RTEL1: variants seen among roughly 807,000 people sequenced by gnomAD.
RTEL1 encodes regulator of telomere length.
RTEL1 carries 86 observed loss-of-function variants against 162.2 expected under a neutral mutation model. The ratio of observed to expected loss-of-function variants is 0.53; its 90% CI spans 0.45 to 0.63. The LOEUF (loss-of-function observed/expected upper bound fraction) is 0.63, where lower values mean the gene tolerates loss of function less well. RTEL1 is among the 30% of genes least tolerant of loss of function. The pLI is 0.00. For synonymous variants in RTEL1, 958 were observed against 717.9 expected, an observed-to-expected ratio of 1.33 and a Z score of -5.35; for missense variants, 1,941 against 1,750.2, an observed-to-expected ratio of 1.11 and a Z score of -1.95.
At chr20:63,693,654 A>ACCT (rs2090874096) in intron 30 of RTEL1, among the ~76,000 whole-genome samples, 12 of 35,996 alleles carry the variant, frequency 3.3e-4, no homozygotes, top group South Asian at 1.0e-3. Flanking sequence ...CTCCACCTCC[A>ACCT]CCACCACCTC....
intron 13 of RTEL1, among the ~76,000 whole-genome samples, chr20:63,680,298 G>A (rs958941652): frequency 6.6e-6 from 1 of 152,240 alleles, no homozygotes; most frequent in Non-Finnish European, 1.5e-5. Context: ...TTGCCCAGAG[G>A]CGGTGTCCCC....
chr20:63,665,587 A>C (rs2146167605), intron 6 of RTEL1, among the ~76,000 whole-genome samples: 1 of 152,258 alleles, frequency 6.6e-6, no homozygotes, highest in Admixed American at 6.5e-5. Flanking sequence ...TGACGGTGCT[A>C]ATCACAGGGG....
intron 30 of RTEL1, 41 bp downstream of exon 30, chr20:63,693,324 G>T (rs1473877485): frequency 7.5e-6 from 12 of 1,607,856 alleles, no homozygotes; most frequent in Non-Finnish European, 1.0e-5. Context: ...CTCCTGCGTG[G>T]AAGGCAGTGT....
At chr20:63,695,273 T>C in intron 33 of RTEL1, 52 bp downstream of exon 33, 1 of 1,600,630 alleles carries the variant, frequency 6.2e-7, no homozygotes, top group Non-Finnish European at 8.5e-7. Flanking sequence ...CACGCAGCCC[T>C]GGGAGTGAGC....
At chr20:63,676,819 C>T (rs1212312471) in intron 10 of RTEL1, among the ~76,000 whole-genome samples, 1 of 152,194 alleles carries the variant, frequency 6.6e-6, no homozygotes, top group African/African-American at 2.4e-5. Flanking sequence ...CTTGTAATCC[C>T]AGCTACTTGG....
rs1001678644 is a variant in RTEL1 at position 63,671,249 on chromosome 20, C to T, written c.700-1307C>T. Reference sequence around the variant, plus strand: ...CTAATTTTTGTATTTTCAGTAGAGACGGCAGTTCGCCATGTTGGCCAGGCT... The same window carrying T: ...CTAATTTTTGTATTTTCAGTAGAGATGGCAGTTCGCCATGTTGGCCAGGCT... On this transcript the variant is annotated intron_variant, in intron 8 of 34. Transcript: ENST00000360203. Among the ~76,000 whole-genome samples the T allele has an allele frequency of 4.6e-5, 7 of 150,856 alleles. No individual in the cohort carries two copies. The South Asian group carries it at 6.3e-4, about 14-fold the overall frequency.
Position 63,666,650 on chromosome 20 carries a change from C to G in RTEL1, c.614+571C>G, listed in dbSNP as rs543157591. 4.3e-4 allele frequency among the ~76,000 whole-genome samples: 66 copies of G among 152,242 alleles called. No individual in the cohort carries two copies. In the Middle Eastern group the frequency reaches 0.014, roughly 31 times the overall value. On this transcript the variant is annotated intron_variant, in intron 7 of 34. Coordinates refer to ENST00000360203, the MANE Select transcript of RTEL1 (RefSeq NM_001283009.2). ...TCCCAGGCTCAAGCGATTTTCCCAC[C>G]TCAGCCTCCCAAGTAGCCGGGACTG...
In RTEL1 at chr20:63,691,076, A is replaced by C. The variant is rs549987232; in HGVS notation, c.2556+129A>C. Reference sequence around the variant, plus strand: ...TCCCCTGCCTGGCAGGCAGGCGGGCAAGCGGGCGGGGGATCCCAGCTGCCT... The same window carrying C: ...TCCCCTGCCTGGCAGGCAGGCGGGCCAGCGGGCGGGGGATCCCAGCTGCCT... On this transcript the variant is annotated intron_variant, in intron 27 of 34. Coordinates refer to ENST00000360203, the MANE Select transcript of RTEL1 (RefSeq NM_001283009.2). 9.7e-6 allele frequency: 10 copies of C among 1,027,956 alleles called. No individual in the cohort carries two copies. The Admixed American group carries it at 2.2e-4, about 22-fold the overall frequency. The allele number at this position is 1,027,956 out of a possible 1,614,324, so 63.7% of individuals were successfully genotyped here. A position where few individuals can be genotyped will look rare whatever the true frequency, so the allele number is the denominator to read the frequency against.
At chr20:63,682,162 A>G (rs913174854) in intron 14 of RTEL1, 1 of 985,400 alleles carries the variant, frequency 1.0e-6, no homozygotes, top group African/African-American at 1.7e-5. Flanking sequence ...TATGGAACTG[A>G]ATCCTAGAAT....
rs1209413497 is a variant in RTEL1, at chr20:63,694,844, G to C, written c.3213G>C (p.Leu1071=). Residue 1071 remains leucine, a synonymous_variant, in exon 32 of 35, where the codon CTG becomes CTC. Transcript: ENST00000360203. ...ACCTGGCTGATGCCCGCAGGGCCCT[G>C]GGGTCCGCGGGCTGTAGCCAACTCT... ...SAYLADARRA[L]GSAGCSQLLA... 3 of 1,612,622 alleles carry C rather than the reference G, an allele frequency of 1.9e-6. No individual in the cohort carries two copies. Among genetic ancestry groups the C allele is most frequent in the Non-Finnish European group, 1.7e-6 (2 of 1,179,852 alleles).
At chr20:63,681,483 A>T in intron 14 of RTEL1, 1 of 985,180 alleles carries the variant, frequency 1.0e-6, no homozygotes. Context: ...ACACGAGATC[A>T]TGGCAGGGTT....
Position 63,667,496 on chromosome 20 carries a change from C to A in RTEL1, c.642C>A (p.Asn214Lys). ...TGTGCCCTTACTACCTGTCCCGGAA[C>A]CTGAAGCAGCAAGCCGACATCATAT... ...HRVCPYYLSR[N>K]LKQQADIIFM... Residue 214 changes from asparagine (N) to lysine (K), a missense_variant, in exon 8 of 35, where the codon AAC becomes AAA. Physicochemically the swap from Asn to Lys is moderately conservative, Grantham distance 94. Coordinates refer to ENST00000360203, the MANE Select transcript of RTEL1 (RefSeq NM_001283009.2). 6.2e-7 allele frequency: 1 copy of A among 1,614,064 alleles called. No homozygotes were observed. The highest frequency in any genetic ancestry group is 8.5e-7 in the Non-Finnish European group (1 of 1,179,916).
chr20:63,659,718 G>T (rs1172811850), intron 2 of RTEL1, among the ~76,000 whole-genome samples: 1 of 152,200 alleles, frequency 6.6e-6, no homozygotes, highest in Non-Finnish European at 1.5e-5. Context: ...CCACACCTGT[G>T]GGTATTTCTC....
chr20:63,683,778 G>T (rs1435543150), intron 14 of RTEL1, among the ~76,000 whole-genome samples: 2 of 152,162 alleles, frequency 1.3e-5, no homozygotes, highest in Non-Finnish European at 2.9e-5. Context: ...TCCAGGAACG[G>T]TCGTCACGCG....
Position 63,694,478 on chromosome 20 carries a change from A to G in RTEL1, c.3099A>G (p.Pro1033=), listed in dbSNP as rs745765963. 2 of 1,596,708 alleles carry G rather than the reference A, an allele frequency of 1.3e-6. No individual in the cohort carries two copies. The change falls in exon 31 of 35, where the codon CCA becomes CCG. Residue 1033 remains proline (P), a synonymous_variant. Coordinates refer to ENST00000360203, the MANE Select transcript of RTEL1 (RefSeq NM_001283009.2). ...NQGRPHLSPR[P]PPTGDPGSQP... Reference sequence around the variant, plus strand: ...GCAGGCCCCACCTGTCGCCCAGGCCACCCCCAACAGGTAGCTGACTCCTGA... The same window carrying G: ...GCAGGCCCCACCTGTCGCCCAGGCCGCCCCCAACAGGTAGCTGACTCCTGA...
Position 63,688,293 on chromosome 20 carries a change from A to G in RTEL1, c.1637-8A>G. On this transcript the variant is annotated splice_polypyrimidine_tract_variant and splice_region_variant and intron_variant, in intron 19 of 34. Coordinates refer to ENST00000360203, the MANE Select transcript of RTEL1 (RefSeq NM_001283009.2). ...CCCCTGCCTTGACCCCGGCCCCTGC[A>G]CTTCCAGGCAACATCGCCCGCGTGG... 1 of 1,611,906 alleles carries G rather than the reference A, an allele frequency of 6.2e-7. No individual in the cohort carries two copies. The highest frequency in any genetic ancestry group is 8.5e-7 in the Non-Finnish European group (1 of 1,179,870).
chr20:63,666,562 G>C (rs1168546482), intron 7 of RTEL1, among the ~76,000 whole-genome samples: 1 of 151,982 alleles, frequency 6.6e-6, no homozygotes, highest in Non-Finnish European at 1.5e-5. Flanking sequence ...TTGAAACAGG[G>C]TCTCGCTCTG....
intron 10 of RTEL1, among the ~76,000 whole-genome samples, chr20:63,676,936 AAATC>A (rs373131336): frequency 2.2e-3 from 329 of 152,354 alleles, no homozygotes; most frequent in African/African-American, 7.6e-3. Context: ...TCCGTCTCAA[AAATC>A]AATCAGTCAA....
In RTEL1 at chr20:63,692,858, C is replaced by G. The variant is rs116788553; in HGVS notation, c.2706C>G (p.Ala902=). ...QTDRAKLFMV[A]VKQELSQANF... ...ACAGGGCCAAGCTCTTCATGGTGGC[C>G]GTGAAGCAGGAGTTGAGCCAAGCCA... Residue 902 remains alanine (A), a synonymous_variant, in exon 29 of 35, where the codon GCC becomes GCG. Transcript: ENST00000360203. 1.1e-5 allele frequency: 17 copies of G among 1,612,502 alleles called. No homozygotes were observed. Among genetic ancestry groups the G allele is most frequent in the Non-Finnish European group, 1.4e-5 (16 of 1,179,864 alleles).
Sources: gnomAD v4.1 joint callset for allele counts (sites outside exome capture counted in the v4.1 genomes callset) on GRCh38, gnomAD v4.1.1 for gene constraint, MANE v1.5 for transcripts, NCBI Gene and HGNC (gene_info 2026-07-23, HGNC 2026-07-21) for gene names.